The following EHHADH variants were observed in gnomAD, a reference collection of about 807,000 sequenced individuals.
The protein encoded by EHHADH is peroxisomal bifunctional enzyme.
Under a neutral mutation model 64.4 loss-of-function variants are expected in EHHADH, and 48 were observed. The ratio of observed to expected loss-of-function variants is 0.75; its 90% CI spans 0.59 to 0.95. The LOEUF (loss-of-function observed/expected upper bound fraction) is 0.95, where lower values mean the gene tolerates loss of function less well. Ranked by LOEUF, EHHADH falls within the 40% of genes least tolerant of loss-of-function variation. EHHADH has a pLI of 0.00. For synonymous variants in EHHADH, 308 were observed against 326.7 expected, an observed-to-expected ratio of 0.94 and a Z score of 0.62; for missense variants, 854 against 876.6, an observed-to-expected ratio of 0.97 and a Z score of 0.33.
Position 185,253,772 on chromosome 3 carries a change from AAAAAG to A in EHHADH, c.74+172_74+176del, listed in dbSNP as rs1553780972. ...AAGCTAATCTAGGTTAAAAAAAAAA[AAAAAG>A]AAAAGAAAAAGAAAGAAAGAAAAGA... On this transcript the variant is annotated intron_variant, in intron 1 of 6. Coordinates refer to ENST00000231887, the MANE Select transcript of EHHADH (RefSeq NM_001966.4). The A allele has an allele frequency of 4.1e-5, 54 of 1,332,562 alleles. No individual in the cohort carries two copies. In the East Asian group the frequency reaches 1.5e-3, roughly 37 times the overall value. 82.5% of individuals were successfully genotyped at this position (1,332,562 alleles called of 1,614,324 possible).
chr3:185,241,575 T>C (rs1719453840), intron 2 of EHHADH, among the ~76,000 whole-genome samples: 1 of 152,238 alleles, frequency 6.6e-6, no homozygotes, highest in Non-Finnish European at 1.5e-5. Flanking sequence ...TTTTTTCATA[T>C]GCTTGTTGGC....
At chr3:185,247,787 G>A (rs764828127) in intron 2 of EHHADH, among the ~76,000 whole-genome samples, 12 of 152,116 alleles carry the variant, frequency 7.9e-5, no homozygotes, top group African/African-American at 1.4e-4. Context: ...AGGAAAAGAC[G>A]CCATATATGC....
At chr3:185,222,429 T>C (rs1002840819) in intron 4 of EHHADH, among the ~76,000 whole-genome samples, 1 of 152,224 alleles carries the variant, frequency 6.6e-6, no homozygotes, top group Non-Finnish European at 1.5e-5. Context: ...GCTTTAAAAA[T>C]GTTTCTTTAT....
intron 5 of EHHADH, among the ~76,000 whole-genome samples, chr3:185,207,908 C>T (rs905943002): frequency 3.3e-5 from 5 of 152,102 alleles, no homozygotes; most frequent in Non-Finnish European, 7.4e-5. Context: ...ATTTCTTAAA[C>T]GGGCAAAAAC....
intron 2 of EHHADH, among the ~76,000 whole-genome samples, chr3:185,241,257 G>A (rs918935870): frequency 1.3e-5 from 2 of 152,166 alleles, no homozygotes; most frequent in African/African-American, 4.8e-5. Flanking sequence ...AAATTGTGTT[G>A]CTGTAAATGT....
chr3:185,191,989 GTA>G lies in EHHADH; in HGVS notation c.*235_*236del, dbSNP rs1165785598. The G allele has an allele frequency of 9.8e-6, 5 of 509,180 alleles. No homozygotes were observed. Among genetic ancestry groups the G allele is most frequent in the Non-Finnish European group, 1.7e-5 (5 of 291,538 alleles). 31.5% of individuals were successfully genotyped at this position (509,180 alleles called of 1,614,324 possible). A position where few individuals can be genotyped will look rare whatever the true frequency, so the allele number is the denominator to read the frequency against. On this transcript the variant is annotated 3_prime_UTR_variant, in exon 7 of 7. Transcript: ENST00000231887. ...TGAGCCTCTTTCATTAGCTATTATG[GTA>G]TTATATTCACACAAGTTCATGCATT...
chr3:185,253,776 A>AAT, intron 1 of EHHADH, 173 bp downstream of exon 1: 2 of 1,311,052 alleles, frequency 1.5e-6, no homozygotes, highest in Non-Finnish European at 2.0e-6. Flanking sequence ...AAAAAAAAAA[A>AAT]GAAAAGAAAA....
At chr3:185,200,250 G>A (rs1718187356) in intron 6 of EHHADH, among the ~76,000 whole-genome samples, 2 of 152,144 alleles carry the variant, frequency 1.3e-5, no homozygotes. Context: ...TACTAGCATG[G>A]AGGATTGGTT....
intron 5 of EHHADH, among the ~76,000 whole-genome samples, chr3:185,205,656 G>A (rs1021258015): frequency 1.3e-5 from 2 of 152,032 alleles, no homozygotes; most frequent in Non-Finnish European, 1.5e-5. Flanking sequence ...AAATCCATAT[G>A]GAAATATTCA....
chr3:185,232,633 A>G (rs1241202840), intron 3 of EHHADH, among the ~76,000 whole-genome samples: 2 of 152,150 alleles, frequency 1.3e-5, no homozygotes, highest in African/African-American at 2.4e-5. Flanking sequence ...TTTTTAGTAG[A>G]GGCGGGATTT....
intron 3 of EHHADH, among the ~76,000 whole-genome samples, chr3:185,230,349 C>T (rs1386843814): frequency 6.6e-6 from 1 of 152,056 alleles, no homozygotes; most frequent in African/African-American, 2.4e-5. Flanking sequence ...AAACATATGC[C>T]CACAAAAATC....
At chr3:185,233,885 C>T (rs1719210679) in intron 3 of EHHADH, among the ~76,000 whole-genome samples, 2 of 152,134 alleles carry the variant, frequency 1.3e-5, no homozygotes, top group African/African-American at 4.8e-5. Flanking sequence ...ACTTTGTGAT[C>T]TGCCTGCCTC....
chr3:185,198,949 A>G (rs1718151928), intron 6 of EHHADH, among the ~76,000 whole-genome samples: 1 of 152,204 alleles, frequency 6.6e-6, no homozygotes, highest in Admixed American at 6.5e-5. Flanking sequence ...AAAAAACATG[A>G]AGAGCATCAA....
rs150207107 is a variant in EHHADH, at chr3:185,192,820, C to T, written c.1578G>A (p.Gly526=). ...TTCTAGATTTCCAGCCCACATCCAA[C>T]CCAGCAAGATCAGACACTCTAAAAG... ...MGPFRVSDLA[G]LDVGWKSRKG... Residue 526 remains glycine, a synonymous_variant, in exon 7 of 7, where the codon GGG becomes GGA. Coordinates refer to ENST00000231887, the MANE Select transcript of EHHADH (RefSeq NM_001966.4). The T allele has an allele frequency of 6.3e-5, 102 of 1,614,026 alleles. No homozygotes were observed. Among genetic ancestry groups the T allele is most frequent in the Non-Finnish European group, 8.2e-5 (97 of 1,180,026 alleles).
rs1382754990 is a variant in EHHADH at position 185,193,031 on chromosome 3, A to G, written c.1367T>C (p.Ile456Thr). 2.5e-6 allele frequency: 4 copies of G among 1,614,060 alleles called. No individual in the cohort carries two copies. In the South Asian group the frequency reaches 3.3e-5, roughly 13 times the overall value. ...TTTTGATAAGTTCATAACAGTGGCA[A>G]TGGTAGTGGGGGAAGAGTATTGGCT... Reference protein sequence around the residue: ...IPSQYSSPTTIATVMNLSKKI... With the variant: ...IPSQYSSPTTTATVMNLSKKI... The change falls in exon 7 of 7, where the codon ATT becomes ACT. Residue 456 changes from isoleucine to threonine, a missense_variant. Physicochemically the swap from Ile to Thr is moderately conservative, Grantham distance 89. Coordinates refer to ENST00000231887, the MANE Select transcript of EHHADH (RefSeq NM_001966.4).
intron 5 of EHHADH, among the ~76,000 whole-genome samples, chr3:185,208,749 A>G (rs1030980768): frequency 6.6e-6 from 1 of 152,240 alleles, no homozygotes; most frequent in African/African-American, 2.4e-5. Context: ...ATTATTTATA[A>G]TAGCAAAATC....
rs1212009121 is a variant in EHHADH, at chr3:185,214,603, T to C, written c.568+3533A>G. On this transcript the variant is annotated intron_variant, in intron 5 of 6. Transcript: ENST00000231887. The stretch of plus-strand genomic sequence containing the variant: ...CCCAAGTACAACCACTACTGAAAAT[T>C]TGTTACATCGCCTTATAGTTTTTTC... Among the ~76,000 whole-genome samples the C allele has an allele frequency of 2.6e-5, 4 of 152,206 alleles. No homozygotes were observed. In the East Asian group the frequency reaches 7.7e-4, roughly 29 times the overall value.
At chr3:185,207,361 A>G (rs1429215255) in intron 5 of EHHADH, among the ~76,000 whole-genome samples, 1 of 152,188 alleles carries the variant, frequency 6.6e-6, no homozygotes, top group Non-Finnish European at 1.5e-5. Flanking sequence ...ATCTAATCAT[A>G]TGAGTCCTTA....
At chr3:185,248,382 G>A (rs1719653214) in intron 2 of EHHADH, 32 bp downstream of exon 2, 2 of 1,471,746 alleles carry the variant, frequency 1.4e-6, no homozygotes, top group Non-Finnish European at 1.9e-6. Context: ...CTGGATTCCA[G>A]AGATGGTGGG....
Sources: allele counts gnomAD v4.1 joint callset (sites outside exome capture counted in the v4.1 genomes callset), GRCh38; gene constraint gnomAD v4.1.1; transcripts MANE v1.5; gene names NCBI Gene and HGNC (gene_info 2026-07-23, HGNC 2026-07-21).